The following ARID3B variants were observed in gnomAD, a reference collection of about 807,000 sequenced individuals.
ARID3B encodes the protein AT-rich interactive domain-containing protein 3B.
In ARID3B, 10 loss-of-function variants were observed where a neutral mutation model predicts 51.9. The ratio of observed to expected loss-of-function variants is 0.19; its 90% confidence interval spans 0.12 to 0.33. The LOEUF is 0.33. ARID3B is among the 10% of genes least tolerant of loss of function. The pLI is 1.00. For synonymous variants in ARID3B, 205 were observed against 279.5 expected, an observed-to-expected ratio of 0.73 and a Z score of 2.66; for missense variants, 483 against 716.3, an observed-to-expected ratio of 0.67 and a Z score of 3.72.
chr15:74,568,893 A>C (rs1017911174), intron 2 of ARID3B, among the ~76,000 whole-genome samples: 3 of 152,204 alleles, frequency 2.0e-5, no homozygotes, highest in Non-Finnish European at 2.9e-5. Context: ...TTCCCTGGGC[A>C]GGTTAAACTT....
intron 2 of ARID3B, among the ~76,000 whole-genome samples, chr15:74,560,041 ACCACAC>A (rs2061673996): frequency 2.2e-4 from 30 of 137,324 alleles, no homozygotes; most frequent in East Asian, 6.3e-4. Flanking sequence ...TAAAAAAAAA[ACCACAC>A]ACACAAAAAT....
chr15:74,552,139 G>A (rs2061639911), intron 2 of ARID3B, among the ~76,000 whole-genome samples: 1 of 132,816 alleles, frequency 7.5e-6, no homozygotes, highest in African/African-American at 2.9e-5. Context: ...TTGGCTCACT[G>A]CAATCTCCGC....
intron 4 of ARID3B, among the ~76,000 whole-genome samples, chr15:74,575,339 A>G (rs112594239): frequency 0.027 from 4,134 of 152,332 alleles, 92 homozygotes; most frequent in Middle Eastern, 0.12. Flanking sequence ...ATTGTTTACT[A>G]CTATATGTCC....
chr15:74,567,942 T>A (rs1204796366), intron 2 of ARID3B, among the ~76,000 whole-genome samples: 2 of 152,200 alleles, frequency 1.3e-5, no homozygotes, highest in Non-Finnish European at 2.9e-5. Flanking sequence ...TGATTCATTA[T>A]TTTTGAAGGC....
intron 4 of ARID3B, among the ~76,000 whole-genome samples, chr15:74,575,172 G>A (rs2061733321): frequency 6.6e-6 from 1 of 152,118 alleles, no homozygotes; most frequent in Non-Finnish European, 1.5e-5. Context: ...CCCAGGAGCT[G>A]ATCCTGTCTC....
At chr15:74,555,072 A>G (rs1021325693) in intron 2 of ARID3B, among the ~76,000 whole-genome samples, 2 of 152,198 alleles carry the variant, frequency 1.3e-5, no homozygotes, top group Non-Finnish European at 2.9e-5. Context: ...ACTATACATA[A>G]TATGTATGAA....
chr15:74,550,358 T>C (rs1350944163), intron 2 of ARID3B, among the ~76,000 whole-genome samples: 3 of 152,130 alleles, frequency 2.0e-5, no homozygotes, highest in Non-Finnish European at 4.4e-5. Context: ...GATTTAATTA[T>C]TAAATCAGCA....
intron 2 of ARID3B, among the ~76,000 whole-genome samples, chr15:74,552,964 T>A (rs1201588430): frequency 6.6e-6 from 1 of 152,196 alleles, no homozygotes; most frequent in Non-Finnish European, 1.5e-5. Context: ...GCGTGATTGC[T>A]GGATTGTGTG....
chr15:74,556,370 C>T (rs2061657657), intron 2 of ARID3B, among the ~76,000 whole-genome samples: 1 of 152,154 alleles, frequency 6.6e-6, no homozygotes, highest in South Asian at 2.1e-4. Context: ...ATTCTAGGCT[C>T]TCCAAAGCAA....
intron 4 of ARID3B, among the ~76,000 whole-genome samples, chr15:74,582,536 AT>A (rs2061765735): frequency 6.6e-6 from 1 of 152,192 alleles, no homozygotes; most frequent in African/African-American, 2.4e-5. Context: ...ACCTAAAGAG[AT>A]TAGTCCAAGC....
intron 2 of ARID3B, among the ~76,000 whole-genome samples, chr15:74,564,286 C>T (rs2061690238): frequency 6.6e-6 from 1 of 152,214 alleles, no homozygotes; most frequent in South Asian, 2.1e-4. Flanking sequence ...TTGTGCATGT[C>T]TCATTACCTC....
chr15:74,549,831 GGAGT>G (rs2061629761), intron 2 of ARID3B, among the ~76,000 whole-genome samples: 2 of 152,182 alleles, frequency 1.3e-5, no homozygotes. Context: ...TGCCATGACT[GGAGT>G]AGGGGGCAGT....
intron 2 of ARID3B, among the ~76,000 whole-genome samples, chr15:74,561,086 G>T (rs143119213): frequency 6.6e-6 from 1 of 152,052 alleles, no homozygotes; most frequent in African/African-American, 2.4e-5. Flanking sequence ...TGCCCAGCCC[G>T]TAGTTTGTCT....
At chr15:74,585,918 C>G (rs945616385) in intron 4 of ARID3B, among the ~76,000 whole-genome samples, 1 of 152,266 alleles carries the variant, frequency 6.6e-6, no homozygotes, top group African/African-American at 2.4e-5. Flanking sequence ...GAAAGCGCCA[C>G]TGTCATCTAG....
chr15:74,579,724 G>A (rs2061752114), intron 4 of ARID3B, among the ~76,000 whole-genome samples: 1 of 152,006 alleles, frequency 6.6e-6, no homozygotes, highest in African/African-American at 2.4e-5. Context: ...AACTAAGCAA[G>A]TTGCCCTCGA....
intron 2 of ARID3B, among the ~76,000 whole-genome samples, chr15:74,560,036 A>AAAAAAAAAAAAAAAAAAAAAAAAAAAAAC (rs1201700901): frequency 7.0e-6 from 1 of 142,498 alleles, no homozygotes; most frequent in Non-Finnish European, 1.5e-5. Flanking sequence ...TCTACTAAAA[A>AAAAAAAAAAAAAAAAAAAAAAAAAAAAAC]AAAAACCACA....
At chr15:74,592,393 G>C (rs1226568187) in intron 7 of ARID3B, among the ~76,000 whole-genome samples, 1 of 152,158 alleles carries the variant, frequency 6.6e-6, no homozygotes, top group African/African-American at 2.4e-5. Context: ...TTCCCATTCT[G>C]GTCCTGATGC....
At chr15:74,572,711 A>T in intron 2 of ARID3B, 151 bp from the exon 3 acceptor site, 1 of 699,782 alleles carries the variant, frequency 1.4e-6, no homozygotes, top group Non-Finnish European at 2.4e-6. Flanking sequence ...AGGGTGGCAG[A>T]ATTAGTCTTC....
intron 4 of ARID3B, chr15:74,574,096 C>T (rs2061728809): frequency 6.6e-6 from 1 of 152,344 alleles, no homozygotes; most frequent in Non-Finnish European, 1.5e-5. Flanking sequence ...CTTCTCTCCT[C>T]ACTCTGCACA....
Sources: allele counts gnomAD v4.1 joint callset (sites outside exome capture counted in the v4.1 genomes callset), GRCh38; gene constraint gnomAD v4.1.1; transcripts MANE v1.5; gene names NCBI Gene and HGNC (gene_info 2026-07-23, HGNC 2026-07-21).